PRRX1: variants seen among roughly 807,000 people sequenced by gnomAD.
The protein encoded by PRRX1 is paired related homeobox 1.
Under a neutral mutation model 24.0 loss-of-function variants are expected in PRRX1, and 8 were observed. The ratio of observed to expected loss-of-function variants is 0.33; its 90% CI spans 0.20 to 0.60. The LOEUF is 0.60. PRRX1 is among the 20% of genes least tolerant of loss of function. PRRX1 has a pLI of 0.82. For synonymous variants in PRRX1, 160 were observed against 131.7 expected, an observed-to-expected ratio of 1.22 and a Z score of -1.47; for missense variants, 281 against 322.4, an observed-to-expected ratio of 0.87 and a Z score of 0.98.
intron 1 of PRRX1, chr1:170,667,426 T>G (rs1408402605): frequency 6.6e-6 from 1 of 152,222 alleles, no homozygotes; most frequent in East Asian, 1.9e-4. Flanking sequence ...CTCTCTTTTC[T>G]CCGCTGGCAT....
intron 1 of PRRX1, among the ~76,000 whole-genome samples, chr1:170,702,934 T>G (rs1224540391): frequency 6.6e-6 from 1 of 152,192 alleles, no homozygotes; most frequent in African/African-American, 2.4e-5. Flanking sequence ...GCTCCCACTA[T>G]TCTGAGAGGG....
At position 170,719,816 on chromosome 1, in the gene PRRX1, G is replaced by A. The variant is rs767923329; in HGVS notation, c.332G>A (p.Arg111His). 18 of 1,614,210 alleles carry A rather than the reference G, an allele frequency of 1.1e-5. No homozygotes were observed. The highest frequency in any genetic ancestry group is 4.5e-5 in the East Asian group (2 of 44,888). Residue 111 changes from arginine to histidine, a missense_variant, in exon 2 of 4, where the codon CGT becomes CAT. Transcript: ENST00000239461. The part of the protein sequence containing the change: ...FNSSQLQALE[R>H]VFERTHYPDA... The stretch of plus-strand genomic sequence containing the variant: ...AGCAGCCAGCTGCAGGCTTTGGAGC[G>A]TGTCTTTGAGCGGACACACTATCCT...
chr1:170,673,668 A>C (rs1028550745), intron 1 of PRRX1, among the ~76,000 whole-genome samples: 11 of 152,176 alleles, frequency 7.2e-5, no homozygotes, highest in African/African-American at 2.7e-4. Flanking sequence ...AAAATCAACA[A>C]AACATGGAAC....
At chr1:170,725,416 G>A (rs1180853961) in intron 2 of PRRX1, among the ~76,000 whole-genome samples, 1 of 152,128 alleles carries the variant, frequency 6.6e-6, no homozygotes, top group Non-Finnish European at 1.5e-5. Context: ...AACTTTCAGT[G>A]CCTGCATTTC....
chr1:170,720,924 A>C (rs538143320), intron 2 of PRRX1, among the ~76,000 whole-genome samples: 26 of 152,348 alleles, frequency 1.7e-4, no homozygotes, highest in African/African-American at 6.3e-4. Context: ...TTATATGCCA[A>C]GTAGTGTTCT....
In PRRX1 at chr1:170,719,688, T is replaced by C. The variant is rs1474577586; in HGVS notation, c.242-38T>C. 1.9e-6 allele frequency: 3 copies of C among 1,606,236 alleles called. No individual in the cohort carries two copies. The Admixed American group carries it at 5.0e-5, about 27-fold the overall frequency. On this transcript the variant is annotated intron_variant, in intron 1 of 3. Coordinates refer to ENST00000239461, the MANE Select transcript of PRRX1 (RefSeq NM_022716.4). ...AAAGTCTTAACTGGGACTCCTACAGTGAATTTGGCTTCTTTTCATCATTGT... is the reference window on the plus strand; with the variant it reads ...AAAGTCTTAACTGGGACTCCTACAGCGAATTTGGCTTCTTTTCATCATTGT...
intron 1 of PRRX1, among the ~76,000 whole-genome samples, chr1:170,707,494 A>G (rs1052544200): frequency 6.6e-6 from 1 of 152,236 alleles, no homozygotes; most frequent in Admixed American, 6.5e-5. Context: ...TAATTGATTT[A>G]ATGCAAACAC....
chr1:170,690,103 T>C (rs1653888099), intron 1 of PRRX1, among the ~76,000 whole-genome samples: 1 of 146,610 alleles, frequency 6.8e-6, no homozygotes, highest in Non-Finnish European at 1.5e-5. Flanking sequence ...TCACTGTATA[T>C]AAGATCCTTA....
intron 1 of PRRX1, among the ~76,000 whole-genome samples, chr1:170,702,936 C>T (rs1317732831): frequency 6.6e-6 from 1 of 152,162 alleles, no homozygotes; most frequent in African/African-American, 2.4e-5. Context: ...TCCCACTATT[C>T]TGAGAGGGAT....
At chr1:170,664,088 C>CCTCTCTCTCTCTCTCTCTCTCTCT (rs58408113), upstream of PRRX1, 10,504 of 660,078 alleles carry the variant, frequency 0.016, 144 homozygotes, top group African/African-American at 0.027. Context: ...CCTCTTCCTC[C>CCTCTCTCTCTCTCTCTCTCTCTCT]CTCTCTCTCT....
intron 1 of PRRX1, among the ~76,000 whole-genome samples, chr1:170,711,385 T>A (rs914153845): frequency 2.0e-5 from 3 of 152,180 alleles, no homozygotes; most frequent in Admixed American, 2.0e-4. Context: ...ATTCAAGTCA[T>A]ACTTTTGTTC....
rs973969457 is a variant in PRRX1, at chr1:170,737,383, GCTTT to G, written c.*1198_*1201del. On this transcript the variant is annotated 3_prime_UTR_variant, in exon 4 of 4. Coordinates refer to ENST00000239461, the MANE Select transcript of PRRX1 (RefSeq NM_022716.4). ...GAACAGGTCCCATTTTCACATTAGG[GCTTT>G]AAATGAATTAGAAACTATTTGAGGC... 2 of 192,608 alleles carry G rather than the reference GCTTT, an allele frequency of 1.0e-5. No homozygotes were observed. The highest frequency in any genetic ancestry group is 2.2e-5 in the Non-Finnish European group (2 of 92,342). The allele number at this position is 192,608 out of a possible 1,614,324, so 11.9% of individuals were successfully genotyped here. A position where few individuals can be genotyped will look rare whatever the true frequency, so the allele number is the denominator to read the frequency against.
intron 1 of PRRX1, among the ~76,000 whole-genome samples, chr1:170,716,827 C>T (rs891114837): frequency 5.3e-5 from 8 of 152,176 alleles, no homozygotes; most frequent in African/African-American, 1.2e-4. Context: ...AGCCAAGAAT[C>T]TGATAAATGT....
Position 170,738,141 on chromosome 1 carries a change from T to C in PRRX1, c.*1955T>C, listed in dbSNP as rs1427745844. ...ATCCTGACCAGCTTAGTTCTAATAA[T>C]TTTTAGTTGTGAGTGATTAAAAAAC... is the stretch of plus-strand genomic sequence containing the variant. On this transcript the variant is annotated 3_prime_UTR_variant, in exon 4 of 4. Coordinates refer to ENST00000239461, the MANE Select transcript of PRRX1 (RefSeq NM_022716.4). The C allele has an allele frequency of 4.6e-6, 1 of 219,294 alleles. No individual in the cohort carries two copies. The highest frequency in any genetic ancestry group is 5.8e-5 in the Admixed American group (1 of 17,326). 13.6% of individuals were successfully genotyped at this position (219,294 alleles called of 1,614,324 possible). A position where few individuals can be genotyped will look rare whatever the true frequency, so the allele number is the denominator to read the frequency against.
At chr1:170,692,588 G>T (rs1196699119) in intron 1 of PRRX1, among the ~76,000 whole-genome samples, 2 of 145,006 alleles carry the variant, frequency 1.4e-5, no homozygotes, top group African/African-American at 2.6e-5. Flanking sequence ...TGTTCTAGTT[G>T]AATCTTTTTT....
chr1:170,701,441 A>T (rs1411033744), intron 1 of PRRX1, among the ~76,000 whole-genome samples: 1 of 152,176 alleles, frequency 6.6e-6, no homozygotes, highest in African/African-American at 2.4e-5. Flanking sequence ...TTTGAATTCC[A>T]TGGTTTAAAG....
Position 170,738,076 on chromosome 1 carries a change from T to C in PRRX1, c.*1890T>C, listed in dbSNP as rs776367853. ...ATCACATCATTTGACCAAAGAATAA[T>C]TTAAGACACATAGAACAGATTTTTT... On this transcript the variant is annotated 3_prime_UTR_variant, in exon 4 of 4. Transcript: ENST00000239461. 9.2e-6 allele frequency: 2 copies of C among 217,110 alleles called. No individual in the cohort carries two copies. Among genetic ancestry groups the C allele is most frequent in the East Asian group, 1.4e-4 (2 of 14,548 alleles). 13.4% of individuals were successfully genotyped at this position (217,110 alleles called of 1,614,324 possible). A position where few individuals can be genotyped will look rare whatever the true frequency, so the allele number is the denominator to read the frequency against.
intron 1 of PRRX1, among the ~76,000 whole-genome samples, chr1:170,708,728 A>T (rs920664151): frequency 1.3e-5 from 2 of 152,146 alleles, no homozygotes; most frequent in African/African-American, 4.8e-5. Flanking sequence ...TATTCTACAC[A>T]CTTTGTTCAC....
chr1:170,699,571 A>C (rs1373148656), intron 1 of PRRX1, among the ~76,000 whole-genome samples: 1 of 152,030 alleles, frequency 6.6e-6, no homozygotes, highest in Non-Finnish European at 1.5e-5. Flanking sequence ...GACTGAAGGG[A>C]AAATTATAGT....
Sources: allele counts gnomAD v4.1 joint callset (sites outside exome capture counted in the v4.1 genomes callset), GRCh38; gene constraint gnomAD v4.1.1; transcripts MANE v1.5; gene names NCBI Gene and HGNC (gene_info 2026-07-23, HGNC 2026-07-21).